SYT8: variants seen among roughly 807,000 people sequenced by gnomAD.
The protein encoded by SYT8 is synaptotagmin 8.
In SYT8, 50 loss-of-function variants were observed where a neutral mutation model predicts 34.9. That is an observed-to-expected ratio of 1.43 (90% CI 1.14 to 1.81). The LOEUF (loss-of-function observed/expected upper bound fraction) is 1.81, where lower values mean the gene tolerates loss of function less well. Ranked by LOEUF, SYT8 falls within the 40% of genes most tolerant of loss-of-function variation. The pLI is 0.00. For synonymous variants in SYT8, 255 were observed against 234.2 expected, an observed-to-expected ratio of 1.09 and a Z score of -0.81; for missense variants, 595 against 529.0, an observed-to-expected ratio of 1.12 and a Z score of -1.22.
chr11:1,835,096 G>A lies in SYT8; in HGVS notation c.-10G>A. 6.2e-7 allele frequency: 1 copy of A among 1,612,982 alleles called. No homozygotes were observed. Among genetic ancestry groups the A allele is most frequent in the Non-Finnish European group, 8.5e-7 (1 of 1,179,820 alleles). Reference sequence around the variant, plus strand: ...CTGGGCCGCTTCTTCCAAACCAGCAGGGTAGAAAGATGGGGCACCCACCAG... The same window carrying A: ...CTGGGCCGCTTCTTCCAAACCAGCAAGGTAGAAAGATGGGGCACCCACCAG... On this transcript the variant is annotated 5_prime_UTR_variant, in exon 1 of 8. Transcript: ENST00000341958.
intron 3 of SYT8, 70 bp downstream of exon 3, chr11:1,836,054 A>T: frequency 1.3e-6 from 2 of 1,569,504 alleles, no homozygotes; most frequent in African/African-American, 2.7e-5. Flanking sequence ...GGAAGGGCAG[A>T]CCCCATGCCC....
At position 1,837,321 on chromosome 11, in the gene SYT8, G is replaced by A. The variant is rs754820178; in HGVS notation, c.1054G>A (p.Ala352Thr). 9 of 1,589,820 alleles carry A rather than the reference G, an allele frequency of 5.7e-6. No individual in the cohort carries two copies. In the African/African-American group the frequency reaches 8.0e-5, roughly 14 times the overall value. The stretch of plus-strand genomic sequence containing the variant: ...GCACTGGGCAGACATGCTGGCCCAC[G>A]CCCGGCGGCCCATTGCCCAGCGGCA... ...LQHWADMLAH[A>T]RRPIAQRHPL... Residue 352 changes from alanine (A) to threonine (T), a missense_variant, in exon 8 of 8, where the codon GCC becomes ACC. Coordinates refer to ENST00000341958, the MANE Select transcript of SYT8 (RefSeq NM_001394072.1).
In SYT8 at chr11:1,837,222, C is replaced by A; in HGVS notation, c.955C>A (p.Arg319Ser). ...NVDLVLAVWD[R>S]SLPLRTEPVG... ...GGACCTGGTGCTGGCTGTCTGGGAC[C>A]GCAGCCTGCCGCTCCGAACTGAGCC... The change falls in exon 8 of 8, where the codon CGC (arginine) becomes AGC (serine). Residue 319 changes from arginine (R) to serine (S), a missense_variant. By Grantham distance (110) the Arg-to-Ser change is moderately radical (BLOSUM62 -1). Coordinates refer to ENST00000341958, the MANE Select transcript of SYT8 (RefSeq NM_001394072.1). 1 of 1,568,040 alleles carries A rather than the reference C, an allele frequency of 6.4e-7. No homozygotes were observed.
chr11:1,836,224 T>A lies in SYT8; in HGVS notation c.456T>A (p.His152Gln). 1 of 1,594,518 alleles carries A rather than the reference T, an allele frequency of 6.3e-7. No individual in the cohort carries two copies. The highest frequency in any genetic ancestry group is 8.5e-7 in the Non-Finnish European group (1 of 1,171,408). ...TCTCCACCCAGGCCGGACACAGACA[T>A]GAGACAAAAGTGCACCGAGGCACGC... is the stretch of plus-strand genomic sequence containing the variant. ...VSVSTQAGHR[H>Q]ETKVHRGTLC... Residue 152 changes from histidine to glutamine, a missense_variant, in exon 4 of 8, where the codon CAT becomes CAA. By Grantham distance (24) the His-to-Gln change is conservative. Transcript: ENST00000341958.
upstream of SYT8, among the ~76,000 whole-genome samples, chr11:1,832,737 G>A (rs1277142229): frequency 3.3e-5 from 5 of 152,328 alleles, no homozygotes; most frequent in African/African-American, 4.8e-5. Context: ...CGCCCCCAGG[G>A]TCCTGGGGTT....
At chr11:1,837,169 A>G (rs532388027) in intron 7 of SYT8, 23 bp from the exon 8 acceptor site, 15 of 1,585,882 alleles carry the variant, frequency 9.5e-6, no homozygotes, top group Middle Eastern at 1.7e-4. Context: ...CCCAACTCCA[A>G]CCTCTGGCCT....
Position 1,835,152 on chromosome 11 carries a change from C to G in SYT8, c.47C>G (p.Thr16Ser). 1.2e-6 allele frequency: 2 copies of G among 1,613,506 alleles called. No homozygotes were observed. The highest frequency in any genetic ancestry group is 1.1e-5 in the South Asian group (1 of 91,090). Residue 16 changes from threonine (T) to serine (S), a missense_variant, in exon 1 of 8, where the codon ACC becomes AGC. By Grantham distance (58) the Thr-to-Ser change is moderately conservative. Transcript: ENST00000341958. ...VSPSAPAPAG[T>S]TAIPGLIPDL... is the part of the protein sequence containing the mutation. Reference sequence around the variant, plus strand: ...CCCAGTGCCCCGGCCCCAGCTGGCACCACAGCTATACCTGGGCTTATTCCA... The same window carrying G: ...CCCAGTGCCCCGGCCCCAGCTGGCAGCACAGCTATACCTGGGCTTATTCCA...
chr11:1,837,356 G>A lies in SYT8; in HGVS notation c.1089G>A (p.Arg363=), dbSNP rs751010190. 1.3e-6 allele frequency: 2 copies of A among 1,595,290 alleles called. No individual in the cohort carries two copies. Among genetic ancestry groups the A allele is most frequent in the East Asian group, 4.5e-5 (2 of 44,732 alleles). Reference sequence around the variant, plus strand: ...CCATTGCCCAGCGGCACCCCCTGCGGCCAGCCAGGGAGGTGGACCGCATGC... The same window carrying A: ...CCATTGCCCAGCGGCACCCCCTGCGACCAGCCAGGGAGGTGGACCGCATGC... ...RRPIAQRHPL[R]PAREVDRMLA... is the part of the protein sequence containing the mutation. Residue 363 remains arginine (R), a synonymous_variant, in exon 8 of 8, where the codon CGG becomes CGA. Transcript: ENST00000341958.
upstream of SYT8, among the ~76,000 whole-genome samples, chr11:1,833,259 C>T (rs1028815565): frequency 2.0e-5 from 3 of 152,110 alleles, no homozygotes; most frequent in Non-Finnish European, 4.4e-5. Flanking sequence ...GAGGGGCTGC[C>T]GAGGCCCGTG....
chr11:1,836,641 C>T, intron 5 of SYT8, 49 bp downstream of exon 5: 1 of 1,599,554 alleles, frequency 6.3e-7, no homozygotes, highest in Non-Finnish European at 8.5e-7. Flanking sequence ...CTGGCAGGGA[C>T]CCTGCCCTAT....
chr11:1,837,402 C>A lies in SYT8; in HGVS notation c.1135C>A (p.Arg379Ser). The change falls in exon 8 of 8, where the codon CGC becomes AGC. Residue 379 changes from arginine (R) to serine (S), a missense_variant. Physicochemically the swap from Arg to Ser is moderately radical, Grantham distance 110. Transcript: ENST00000341958. The stretch of plus-strand genomic sequence containing the variant: ...CATGCTGGCCCTGCAGCCCCGCCTT[C>A]GCCTGCGCCTGCCCTTGCCCCACTC... ...DRMLALQPRLRLRLPLPHS is the reference protein window; with the variant it reads ...DRMLALQPRLSLRLPLPHS The A allele has an allele frequency of 1.2e-6, 2 of 1,604,792 alleles. No homozygotes were observed. Among genetic ancestry groups the A allele is most frequent in the South Asian group, 1.1e-5 (1 of 91,020 alleles).
chr11:1,835,193 A>G lies in SYT8; in HGVS notation c.88A>G (p.Thr30Ala), dbSNP rs1046087891. The change falls in exon 1 of 8, where the codon ACC (threonine) becomes GCC (alanine). Residue 30 changes from threonine (T) to alanine (A), a missense_variant. Transcript: ENST00000341958. Reference protein sequence around the residue: ...PGLIPDLVAGTPWPRWALIAG... With the variant: ...PGLIPDLVAGAPWPRWALIAG... ...GCTTATTCCAGACCTTGTCGCCGGG[A>G]CCCCCTGTGAGTTGTGGGATTCCCA... 18 of 1,612,980 alleles carry G rather than the reference A, an allele frequency of 1.1e-5. No individual in the cohort carries two copies. Among genetic ancestry groups the G allele is most frequent in the Non-Finnish European group, 1.5e-5 (18 of 1,179,842 alleles).
upstream of SYT8, chr11:1,834,708 C>T (rs557418134): frequency 4.3e-5 from 52 of 1,221,270 alleles, no homozygotes; most frequent in African/African-American, 7.5e-4. This position sits in a 1 kb window ranked among gnomAD's most constrained non-coding sequence, Gnocchi z 4.5. Flanking sequence ...GGCCCAGGGT[C>T]CAGGGCCCAG....
upstream of SYT8, chr11:1,834,668 C>A (rs982968328): frequency 7.9e-6 from 12 of 1,518,318 alleles, no homozygotes; most frequent in South Asian, 1.3e-4. This position sits in a 1 kb window ranked among gnomAD's most constrained non-coding sequence, Gnocchi z 4.5. Context: ...GAGATGAGAC[C>A]CCCAGGGATG....
At chr11:1,834,838 C>G, upstream of SYT8, 4 of 632,698 alleles carry the variant, frequency 6.3e-6, no homozygotes. The surrounding 1 kb of genome is among the most constrained non-coding windows in gnomAD (Gnocchi z 4.5). Context: ...GCCTGCTTGG[C>G]TGGGGCTGGG....
upstream of SYT8, among the ~76,000 whole-genome samples, chr11:1,832,863 C>T (rs61867130): frequency 6.6e-6 from 1 of 151,974 alleles, no homozygotes; most frequent in African/African-American, 2.4e-5. Flanking sequence ...TCTCCCCGCC[C>T]GGCCCTGACT....
upstream of SYT8, chr11:1,831,815 C>A (rs942342300): frequency 8.8e-6 from 4 of 455,274 alleles, no homozygotes; most frequent in Admixed American, 2.4e-5. Flanking sequence ...AGAGGCAGTG[C>A]TGTCCGAGAG....
At chr11:1,834,687 C>A, upstream of SYT8, 1 of 1,435,922 alleles carries the variant, frequency 7.0e-7, no homozygotes, top group Non-Finnish European at 9.6e-7. This position sits in a 1 kb window ranked among gnomAD's most constrained non-coding sequence, Gnocchi z 4.5. Context: ...TGAGATGGGA[C>A]CCCCAGGCAG....
Position 1,837,048 on chromosome 11 carries a change from C to G in SYT8, c.882C>G (p.Phe294Leu). 1 of 1,613,812 alleles carries G rather than the reference C, an allele frequency of 6.2e-7. No individual in the cohort carries two copies. Among genetic ancestry groups the G allele is most frequent in the Non-Finnish European group, 8.5e-7 (1 of 1,180,008 alleles). Residue 294 changes from phenylalanine (F) to leucine (L), a missense_variant, in exon 7 of 8, where the codon TTC becomes TTG. Coordinates refer to ENST00000341958, the MANE Select transcript of SYT8 (RefSeq NM_001394072.1). Reference protein sequence around the residue: ...ATKKGTAAPYFNEAFTFLVPF... With the variant: ...ATKKGTAAPYLNEAFTFLVPF... ...AAAAGGGCACGGCGGCCCCCTACTT[C>G]AATGAGGCCTTCACCTTCCTGGTGC...
Sources: allele counts gnomAD v4.1 joint callset (sites outside exome capture counted in the v4.1 genomes callset), GRCh38; gene constraint gnomAD v4.1.1; non-coding constraint Gnocchi (gnomAD v3.1); transcripts MANE v1.5; gene names NCBI Gene and HGNC (gene_info 2026-07-23, HGNC 2026-07-21).